Variants in NOX4 observed in about 807,000 individuals in gnomAD.
NOX4 encodes the protein NADPH oxidase 4.
Under a neutral mutation model 87.6 loss-of-function variants are expected in NOX4, and 69 were observed. The ratio of observed to expected loss-of-function variants is 0.79; its 90% CI spans 0.65 to 0.96. The LOEUF (loss-of-function observed/expected upper bound fraction) is 0.96, where lower values mean the gene tolerates loss of function less well. NOX4 is among the 40% of genes least tolerant of loss of function. The pLI, the probability that NOX4 is intolerant of heterozygous loss-of-function variation, is 0.00. For synonymous variants in NOX4, 275 were observed against 238.2 expected (o/e 1.15, Z -1.42); for missense variants, 680 against 681.5 (o/e 1.00, Z 0.02).
chr11:89,486,697 C>T (rs75856891), intron 2 of NOX4, among the ~76,000 whole-genome samples: 2 of 20,624 alleles, frequency 9.7e-5, no homozygotes, highest in Admixed American at 5.8e-4. Context: ...TGTATATATA[C>T]ATATATGTGT....
chr11:89,543,406 C>T, the NOX4 span, among the ~76,000 whole-genome samples: 1 of 152,010 alleles, frequency 6.6e-6, no homozygotes, highest in South Asian at 2.1e-4. Context: ...CCTCAATAAA[C>T]AACATGTTGA....
chr11:89,506,207 TAGAAAGAAAGAAAGAG>T, the NOX4 span, among the ~76,000 whole-genome samples: 2 of 94,582 alleles, frequency 2.1e-5, no homozygotes, highest in African/African-American at 4.3e-5. Context: ...TGTCCATTTG[TAGAAAGAAAGAAAGAG>T]AGAAAGAAAG....
chr11:89,552,391 C>T, the NOX4 span, among the ~76,000 whole-genome samples: 2 of 152,160 alleles, frequency 1.3e-5, no homozygotes, highest in African/African-American at 4.8e-5. Flanking sequence ...TGCAGAGGAA[C>T]TTATCAAGCT....
At chr11:89,477,332 G>C (rs1291289401) in intron 2 of NOX4, among the ~76,000 whole-genome samples, 1 of 152,026 alleles carries the variant, frequency 6.6e-6, no homozygotes, top group African/African-American at 2.4e-5. Context: ...ATGCTCTTAA[G>C]AGAATCTAAT....
chr11:89,453,556 C>T (rs957334559), intron 2 of NOX4, among the ~76,000 whole-genome samples: 15 of 152,240 alleles, frequency 9.9e-5, no homozygotes, highest in African/African-American at 3.6e-4. Context: ...AAGAACATAA[C>T]GGAATAAAAA....
intron 11 of NOX4, among the ~76,000 whole-genome samples, chr11:89,384,097 T>A (rs1283214906): frequency 6.6e-6 from 1 of 152,084 alleles, no homozygotes; most frequent in Admixed American, 6.5e-5. Flanking sequence ...ACCAGACAAG[T>A]CTTACAAGTT....
rs747898425 is a variant in NOX4, at chr11:89,491,297, C to T, written c.-51G>A. ...CTGTGCCCGCCGGACCGAGAAGGAGCGGGCGGCGGCCGGGGCAGCGGTTAC... is the reference window on the plus strand; with the variant it reads ...CTGTGCCCGCCGGACCGAGAAGGAGTGGGCGGCGGCCGGGGCAGCGGTTAC... On this transcript the variant is annotated 5_prime_UTR_variant, in exon 1 of 18. Coordinates refer to ENST00000263317, the MANE Select transcript of NOX4 (RefSeq NM_016931.5). 6 of 1,558,294 alleles carry T rather than the reference C, an allele frequency of 3.9e-6. No homozygotes were observed. Among genetic ancestry groups the T allele is most frequent in the South Asian group, 3.5e-5 (3 of 86,844 alleles).
At chr11:89,432,934 C>T (rs1186939176) in intron 6 of NOX4, 78 bp from the exon 7 acceptor site, 16 of 932,446 alleles carry the variant, frequency 1.7e-5, no homozygotes, top group South Asian at 5.6e-5. Context: ...TATTAGAATC[C>T]GAAATACTGT....
intron 2 of NOX4, among the ~76,000 whole-genome samples, chr11:89,481,563 C>A (rs1054370915): frequency 6.6e-6 from 1 of 151,978 alleles, no homozygotes; most frequent in East Asian, 1.9e-4. Context: ...AAATTCATAT[C>A]CATATGGCTC....
chr11:89,352,164 G>A (rs1946486526), intron 13 of NOX4, among the ~76,000 whole-genome samples: 1 of 152,106 alleles, frequency 6.6e-6, no homozygotes, highest in African/African-American at 2.4e-5. Context: ...TGCATACAAT[G>A]TATGTTATTC....
the NOX4 span, among the ~76,000 whole-genome samples, chr11:89,561,183 T>C: frequency 1.2e-4 from 18 of 149,016 alleles, no homozygotes; most frequent in African/African-American, 4.0e-4. Context: ...CTATCCATAG[T>C]ATCTCTTATG....
At chr11:89,560,268 A>C in the NOX4 span, among the ~76,000 whole-genome samples, 3 of 152,138 alleles carry the variant, frequency 2.0e-5, no homozygotes, top group Non-Finnish European at 2.9e-5. Flanking sequence ...AGAAGCTAGG[A>C]AGAGACAAGG....
At chr11:89,377,491 A>T (rs1939941237) in intron 11 of NOX4, among the ~76,000 whole-genome samples, 1 of 152,116 alleles carries the variant, frequency 6.6e-6, no homozygotes, top group Non-Finnish European at 1.5e-5. Context: ...TTTACCTTCC[A>T]ATTATTTCTT....
chr11:89,408,551 C>T (rs1942309839), intron 8 of NOX4, among the ~76,000 whole-genome samples: 1 of 152,108 alleles, frequency 6.6e-6, no homozygotes, highest in Non-Finnish European at 1.5e-5. Context: ...GGTACCCACC[C>T]TACCAAAGCT....
At chr11:89,577,292 A>G in the NOX4 span, 1 of 152,196 alleles carries the variant, frequency 6.6e-6, no homozygotes, top group African/African-American at 2.4e-5. Flanking sequence ...ATGATGATAT[A>G]TAAGATAGAT....
At chr11:89,541,035 T>C in the NOX4 span, among the ~76,000 whole-genome samples, 3 of 152,078 alleles carry the variant, frequency 2.0e-5, no homozygotes, top group Middle Eastern at 3.2e-3. Context: ...TATAGTTGTT[T>C]ACTCCATCTT....
the NOX4 span, among the ~76,000 whole-genome samples, chr11:89,523,212 C>T: frequency 6.6e-6 from 1 of 151,974 alleles, no homozygotes; most frequent in Non-Finnish European, 1.5e-5. Flanking sequence ...TTAGTAGACA[C>T]AGGATTTCAC....
At chr11:89,562,483 A>ATC in the NOX4 span, among the ~76,000 whole-genome samples, 1 of 151,820 alleles carries the variant, frequency 6.6e-6, no homozygotes, top group Non-Finnish European at 1.5e-5. Flanking sequence ...ACCTGCCCGT[A>ATC]TCTCTCTCTC....
At chr11:89,493,649 C>T (rs954270056), upstream of NOX4, among the ~76,000 whole-genome samples, 8 of 151,780 alleles carry the variant, frequency 5.3e-5, no homozygotes, top group African/African-American at 1.9e-4. Context: ...AGGGACAGAG[C>T]TAGTGTCCTG....
Sources: gnomAD v4.1 joint callset for allele counts (sites outside exome capture counted in the v4.1 genomes callset) on GRCh38, gnomAD v4.1.1 for gene constraint, MANE v1.5 for transcripts, NCBI Gene and HGNC (gene_info 2026-07-23, HGNC 2026-07-21) for gene names.